The following MICAL3 variants were observed in gnomAD, a reference collection of about 807,000 sequenced individuals.
MICAL3 encodes [F-actin]-monooxygenase MICAL3.
In MICAL3, 62 loss-of-function variants were observed where a neutral mutation model predicts 207.4. That is an observed-to-expected ratio of 0.30 (90% CI 0.24 to 0.37). The LOEUF is 0.37. Among genes scored for constraint, MICAL3 ranks in the 10% least tolerant of loss-of-function variants. The pLI is 1.00. For synonymous variants in MICAL3, 1,077 were observed against 1,069.3 expected, an observed-to-expected ratio of 1.01 and a Z score of -0.14; for missense variants, 2,368 against 2,635.6, an observed-to-expected ratio of 0.90 and a Z score of 2.22.
At chr22:17,800,252 C>T (rs1252819410) in intron 29 of MICAL3, among the ~76,000 whole-genome samples, 1 of 152,176 alleles carries the variant, frequency 6.6e-6, no homozygotes, top group Admixed American at 6.5e-5. Context: ...GAGATGAGGT[C>T]CCCGAAAACT....
At chr22:17,867,514 C>T (rs1927272802) in intron 17 of MICAL3, among the ~76,000 whole-genome samples, 1 of 152,232 alleles carries the variant, frequency 6.6e-6, no homozygotes, top group African/African-American at 2.4e-5. Flanking sequence ...GTATCTCATT[C>T]TTTAAGAAAT....
At chr22:17,882,637 G>A (rs1349578470) in intron 16 of MICAL3, among the ~76,000 whole-genome samples, 1 of 152,214 alleles carries the variant, frequency 6.6e-6, no homozygotes, top group Non-Finnish European at 1.5e-5. Context: ...TAAGAACTGT[G>A]AGTTCCGGTT....
chr22:17,809,586 C>T (rs998381019), intron 28 of MICAL3, among the ~76,000 whole-genome samples: 8 of 152,192 alleles, frequency 5.3e-5, no homozygotes, highest in Non-Finnish European at 7.3e-5. Flanking sequence ...GTGAGCTCAG[C>T]GCCACTGCGC....
At chr22:17,836,283 C>T (rs113067705) in intron 20 of MICAL3, among the ~76,000 whole-genome samples, 33 of 152,348 alleles carry the variant, frequency 2.2e-4, no homozygotes, top group East Asian at 2.1e-3. Context: ...ACCGCGTGCC[C>T]GCAGCACAAA....
rs1921135207 is a variant in MICAL3, at chr22:17,817,522, C to A, written c.5139G>T (p.Lys1713Asn). The change falls in exon 26 of 32, where the codon AAG (lysine) becomes AAT (asparagine). Residue 1713 changes from lysine to asparagine, a missense_variant. Around this residue, in one of 4 missense-constraint regions of MICAL3, gnomAD observed 1,770 missense variants for 1,863.2 expected, o/e 0.95. Transcript: ENST00000441493. ...CCGGGGGCCGGCCCTCGCCTTTGGA[C>A]TTCTTCTCCTTCTTGTTTCTGCGGG... Reference protein sequence around the residue: ...FSPRRNKKEKKSKGEGRPPEK... With the variant: ...FSPRRNKKEKNSKGEGRPPEK... The A allele has an allele frequency of 1.9e-6, 3 of 1,613,404 alleles. No homozygotes were observed. The highest frequency in any genetic ancestry group is 1.3e-5 in the African/African-American group (1 of 74,910).
intron 1 of MICAL3, among the ~76,000 whole-genome samples, chr22:17,963,650 C>G (rs935801371): frequency 6.6e-6 from 1 of 152,174 alleles, no homozygotes; most frequent in Admixed American, 6.5e-5. Context: ...ACCCCATCAA[C>G]GTGCTCCATA....
chr22:17,798,614 T>C (rs189608514), intron 29 of MICAL3, among the ~76,000 whole-genome samples: 49 of 152,140 alleles, frequency 3.2e-4, no homozygotes, highest in Non-Finnish European at 5.4e-4. Flanking sequence ...CTGCTAACTA[T>C]AGTACCACTA....
chr22:17,795,847 A>G (rs1252187886), intron 29 of MICAL3, among the ~76,000 whole-genome samples: 4 of 138,270 alleles, frequency 2.9e-5, no homozygotes, highest in African/African-American at 8.1e-5. Flanking sequence ...GGAAAAACCA[A>G]TCCAACAAGG....
chr22:17,897,354 C>T (rs999738657), intron 7 of MICAL3, among the ~76,000 whole-genome samples: 7 of 130,976 alleles, frequency 5.3e-5, no homozygotes, highest in African/African-American at 1.2e-4. Flanking sequence ...GCCCAGGAAG[C>T]GGAGGTTGCA....
chr22:17,980,130 C>A (rs1047909328), intron 1 of MICAL3, among the ~76,000 whole-genome samples: 4 of 152,138 alleles, frequency 2.6e-5, no homozygotes, highest in African/African-American at 7.2e-5. Context: ...CACCTGGCCC[C>A]CAGCAAGTCT....
chr22:17,885,735 G>C (rs1204203173), intron 16 of MICAL3, 143 bp downstream of exon 16: 3 of 817,588 alleles, frequency 3.7e-6, no homozygotes, highest in Admixed American at 2.3e-5. Flanking sequence ...GCTCTTCTTT[G>C]CTGCAGTCAG....
chr22:17,982,878 A>C (rs1935989566), intron 1 of MICAL3, among the ~76,000 whole-genome samples: 1 of 152,188 alleles, frequency 6.6e-6, no homozygotes, highest in Non-Finnish European at 1.5e-5. Flanking sequence ...TAAATCCTTC[A>C]ACAGTCTGAC....
intron 1 of MICAL3, among the ~76,000 whole-genome samples, chr22:17,969,697 C>T (rs964846596): frequency 6.6e-6 from 1 of 152,208 alleles, no homozygotes; most frequent in African/African-American, 2.4e-5. Context: ...GAGGTATTCG[C>T]TTTTTCCTAA....
At chr22:17,819,246 C>A in intron 25 of MICAL3, 117 bp from the exon 26 acceptor site, 1 of 1,067,502 alleles carries the variant, frequency 9.4e-7, no homozygotes, top group South Asian at 3.3e-5. Flanking sequence ...AGGACTTCCC[C>A]GTCCTTCCAG....
In MICAL3 at chr22:17,866,000, C is replaced by T. The variant is rs1927069440; in HGVS notation, c.2441G>A (p.Cys814Tyr). 3 of 1,613,256 alleles carry T rather than the reference C, an allele frequency of 1.9e-6. No individual in the cohort carries two copies. The highest frequency in any genetic ancestry group is 1.3e-5 in the African/African-American group (1 of 74,924). Residue 814 changes from cysteine (C) to tyrosine (Y), a missense_variant, in exon 18 of 32, where the codon TGT (cysteine) becomes TAT (tyrosine). Around this residue, in one of 4 missense-constraint regions of MICAL3, gnomAD observed 1,770 missense variants for 1,863.2 expected, o/e 0.95. Coordinates refer to ENST00000441493, the MANE Select transcript of MICAL3 (RefSeq NM_015241.3). ...AYDIEDGKFY[C>Y]KPHYCYRLSG... ...GAGTCGATAGCAGTAGTGTGGCTTACAGTAGAATTTACCTGCAGACAGCAA... is the reference window on the plus strand; with the variant it reads ...GAGTCGATAGCAGTAGTGTGGCTTATAGTAGAATTTACCTGCAGACAGCAA...
At chr22:17,836,303 A>C (rs551170355) in intron 20 of MICAL3, among the ~76,000 whole-genome samples, 1 of 152,208 alleles carries the variant, frequency 6.6e-6, no homozygotes, top group Non-Finnish European at 1.5e-5. Context: ...AGTGCTTCCC[A>C]TGGGTAGCTC....
rs1342437641 is a variant in MICAL3 at position 17,976,580 on chromosome 22, TATA to T, written c.-75+47698_-75+47700del. Among the ~76,000 whole-genome samples, 775 of 100,500 alleles carry T rather than the reference TATA, an allele frequency of 7.7e-3. 18 individuals are homozygous for T. Among genetic ancestry groups the T allele is most frequent in the African/African-American group, 0.016 (354 of 22,072 alleles). 65.9% of individuals were successfully genotyped at this position (100,500 alleles called of 152,430 possible). On this transcript the variant is annotated intron_variant, in intron 1 of 31. Transcript: ENST00000441493. Reference sequence around the variant, plus strand: ...GTGTGTGTATATATATATATATATATATATATATATTTTTTTTTTTTTTTTTTG... The same window carrying T: ...GTGTGTGTATATATATATATATATATTATATATTTTTTTTTTTTTTTTTTG...
chr22:18,007,549 G>A (rs916617605), intron 1 of MICAL3, among the ~76,000 whole-genome samples: 2 of 151,934 alleles, frequency 1.3e-5, no homozygotes, highest in Admixed American at 6.6e-5. Context: ...TCCCACATCA[G>A]CCTCCCAAAG....
chr22:17,880,862 A>G (rs1469419192), intron 16 of MICAL3, among the ~76,000 whole-genome samples: 1 of 152,224 alleles, frequency 6.6e-6, no homozygotes, highest in Non-Finnish European at 1.5e-5. Flanking sequence ...GCAGCGAGAG[A>G]AAAGGGCTGC....
Sources: gnomAD v4.1 joint callset for allele counts (sites outside exome capture counted in the v4.1 genomes callset) on GRCh38, gnomAD v4.1.1 for gene constraint, gnomAD v4.1.1 regional missense constraint, MANE v1.5 for transcripts, NCBI Gene and HGNC (gene_info 2026-07-23, HGNC 2026-07-21) for gene names.